The following SDHC variants were observed in gnomAD, a reference collection of about 807,000 sequenced individuals.
SDHC encodes succinate dehydrogenase complex subunit C.
In SDHC, 11 loss-of-function variants were observed where a neutral mutation model predicts 22.6. The observed-to-expected ratio is 0.49, with a 90% CI of 0.31 to 0.81. The LOEUF (loss-of-function observed/expected upper bound fraction) is 0.81. Ranked by LOEUF, SDHC falls within the 30% of genes least tolerant of loss-of-function variation. SDHC has a pLI of 0.05. For synonymous variants in SDHC, 80 were observed against 77.8 expected (o/e 1.03, Z -0.15); for missense variants, 160 against 212.0 (o/e 0.75, Z 1.52).
rs1670915526 is a variant in SDHC, at chr1:161,323,478, G to A, written c.21-136G>A. 5.9e-6 allele frequency: 4 copies of A among 678,604 alleles called. No individual in the cohort carries two copies. In the Admixed American group the frequency reaches 9.4e-5, roughly 16 times the overall value. The allele number at this position is 678,604 out of a possible 1,614,324, so 42.0% of individuals were successfully genotyped here. On this transcript the variant is annotated intron_variant, in intron 1 of 5. Coordinates refer to ENST00000367975, the MANE Select transcript of SDHC (RefSeq NM_003001.5). ...GTTGTAGCTTTTCAACTAGAAAATG[G>A]TATCAAGGACACTGATACTGTCATT... is the stretch of plus-strand genomic sequence containing the variant.
At chr1:161,314,932 G>C (rs1250587584) in intron 1 of SDHC, 1 of 158,008 alleles carries the variant, frequency 6.3e-6, no homozygotes, top group Non-Finnish European at 1.4e-5. Flanking sequence ...GATCCCTACT[G>C]GGGTGGCGAT....
intron 5 of SDHC, among the ~76,000 whole-genome samples, chr1:161,361,452 A>G (rs1351378865): frequency 6.6e-6 from 1 of 152,166 alleles, no homozygotes; most frequent in Non-Finnish European, 1.5e-5. Context: ...TCTGATAAAT[A>G]GAGTTTCCCT....
intron 1 of SDHC, among the ~76,000 whole-genome samples, chr1:161,322,669 T>G (rs1670879493): frequency 6.6e-6 from 1 of 151,474 alleles, no homozygotes; most frequent in Non-Finnish European, 1.5e-5. Context: ...CGGGCTCAAG[T>G]GATACTCCCA....
chr1:161,362,264 G>A (rs574467606), intron 5 of SDHC, 65 bp from the exon 6 acceptor site: 1,323 of 1,551,978 alleles, frequency 8.5e-4, no homozygotes, highest in Non-Finnish European at 1.1e-3. Flanking sequence ...ATTACTTTCT[G>A]AGACAGGAAC....
chr1:161,329,044 G>A (rs764682210), intron 3 of SDHC, among the ~76,000 whole-genome samples: 3 of 151,712 alleles, frequency 2.0e-5, no homozygotes, highest in Non-Finnish European at 4.4e-5. Context: ...AGTAGCTGGG[G>A]CTACAGGTGT....
intron 1 of SDHC, among the ~76,000 whole-genome samples, chr1:161,323,158 CTGGCTAAT>C (rs1670902519): frequency 6.6e-6 from 1 of 152,084 alleles, no homozygotes; most frequent in African/African-American, 2.4e-5. Flanking sequence ...GCCACCACGC[CTGGCTAAT>C]TTTTTGTATT....
At chr1:161,326,181 A>G (rs1048460335) in intron 2 of SDHC, among the ~76,000 whole-genome samples, 4 of 152,032 alleles carry the variant, frequency 2.6e-5, no homozygotes, top group South Asian at 2.1e-4. Flanking sequence ...CAGTTTGGCC[A>G]CAGAGCGAGA....
At chr1:161,321,792 A>G (rs907345822) in intron 1 of SDHC, among the ~76,000 whole-genome samples, 1 of 152,194 alleles carries the variant, frequency 6.6e-6, no homozygotes, top group African/African-American at 2.4e-5. Flanking sequence ...CTTTTTTAGA[A>G]GATCATTAGA....
intron 4 of SDHC, among the ~76,000 whole-genome samples, chr1:161,348,397 G>A (rs950485616): frequency 6.6e-6 from 1 of 151,578 alleles, no homozygotes; most frequent in African/African-American, 2.4e-5. Flanking sequence ...TACCTCAAGT[G>A]ATCCGCCTGC....
chr1:161,318,712 T>G (rs1158542963), intron 1 of SDHC, among the ~76,000 whole-genome samples: 2 of 152,326 alleles, frequency 1.3e-5, no homozygotes, highest in Middle Eastern at 3.4e-3. Context: ...TTTAACCTTT[T>G]TCTTTGTGTC....
intron 2 of SDHC, among the ~76,000 whole-genome samples, chr1:161,325,079 G>C (rs1235145195): frequency 6.6e-6 from 1 of 151,654 alleles, no homozygotes; most frequent in Non-Finnish European, 1.5e-5. Flanking sequence ...GTGGTGGTGT[G>C]TGCCTATAGT....
chr1:161,333,330 A>G (rs893275557), intron 3 of SDHC, among the ~76,000 whole-genome samples: 1 of 151,686 alleles, frequency 6.6e-6, no homozygotes, highest in East Asian at 1.9e-4. Context: ...TTGTGTGCAC[A>G]TATGTTTCAT....
At chr1:161,317,503 A>AT (rs1425855091) in intron 1 of SDHC, among the ~76,000 whole-genome samples, 2 of 105,676 alleles carry the variant, frequency 1.9e-5, no homozygotes, top group Admixed American at 1.1e-4. Context: ...ATTCTTAGTG[A>AT]TTTTCAAGTA....
At chr1:161,337,845 C>T (rs1406160840) in intron 3 of SDHC, among the ~76,000 whole-genome samples, 2 of 152,140 alleles carry the variant, frequency 1.3e-5, no homozygotes, top group Admixed American at 6.5e-5. Flanking sequence ...TGGAATCTTC[C>T]AATTTCCTCA....
At chr1:161,318,735 A>G (rs1670721274) in intron 1 of SDHC, among the ~76,000 whole-genome samples, 1 of 152,080 alleles carries the variant, frequency 6.6e-6, no homozygotes, top group Non-Finnish European at 1.5e-5. Flanking sequence ...ACATTATTAT[A>G]GGTACTGTGG....
intron 5 of SDHC, among the ~76,000 whole-genome samples, chr1:161,358,019 T>G (rs1672348799): frequency 6.6e-6 from 1 of 151,244 alleles, no homozygotes; most frequent in Admixed American, 6.6e-5. Context: ...GTTTCAATAT[T>G]GAGGTTAGGA....
intron 2 of SDHC, among the ~76,000 whole-genome samples, chr1:161,326,110 G>A (rs1302035397): frequency 1.3e-5 from 2 of 152,222 alleles, no homozygotes; most frequent in Admixed American, 6.5e-5. Flanking sequence ...GCTGAGGCAG[G>A]AGGATGACTT....
At chr1:161,333,337 T>G (rs1435616976) in intron 3 of SDHC, among the ~76,000 whole-genome samples, 1 of 152,226 alleles carries the variant, frequency 6.6e-6, no homozygotes, top group Non-Finnish European at 1.5e-5. Context: ...CACATATGTT[T>G]CATTTCTCTT....
At chr1:161,323,420 G>A (rs905811630) in intron 1 of SDHC, among the ~76,000 whole-genome samples, 194 bp from the exon 2 acceptor site, 3 of 152,032 alleles carry the variant, frequency 2.0e-5, no homozygotes, top group Non-Finnish European at 4.4e-5. Flanking sequence ...GCATTTTTAG[G>A]TAATATTTCT....
Sources: allele counts gnomAD v4.1 joint callset (sites outside exome capture counted in the v4.1 genomes callset), GRCh38; gene constraint gnomAD v4.1.1; transcripts MANE v1.5; gene names NCBI Gene and HGNC (gene_info 2026-07-23, HGNC 2026-07-21).